The following P2RX7 variants were observed in gnomAD, a reference collection of about 807,000 sequenced individuals.
The protein encoded by P2RX7 is purinergic receptor P2X 7.
Under a neutral mutation model 71.6 loss-of-function variants are expected in P2RX7, and 62 were observed. That is an observed-to-expected ratio of 0.87 (90% CI 0.71 to 1.07). The LOEUF (loss-of-function observed/expected upper bound fraction) is 1.07. P2RX7 is among the 50% of genes least tolerant of loss of function. P2RX7 has a pLI of 0.00. For synonymous variants in P2RX7, 299 were observed against 283.3 expected (o/e 1.06, Z -0.56); for missense variants, 686 against 748.5 (o/e 0.92, Z 0.97).
chr12:121,145,106 C>G (rs897847860), intron 1 of P2RX7, among the ~76,000 whole-genome samples: 1 of 152,150 alleles, frequency 6.6e-6, no homozygotes, highest in Non-Finnish European at 1.5e-5. Context: ...GTGCAACCGA[C>G]CAGCAAGAGA....
At chr12:121,155,914 G>A (rs1019707327) in intron 2 of P2RX7, among the ~76,000 whole-genome samples, 165 bp from the exon 3 acceptor site, 2 of 152,152 alleles carry the variant, frequency 1.3e-5, no homozygotes, top group African/African-American at 2.4e-5. Flanking sequence ...AGGGCTGCTC[G>A]TCCAGCTTTG....
rs956530280 is a variant in P2RX7, at chr12:121,184,965, A to G, written c.*163A>G. The stretch of plus-strand genomic sequence containing the variant: ...CCAGACATGGTGGCATGCACCTGCA[A>G]TCCCAGCTACTCGGGAGGCTGAGGC... On this transcript the variant is annotated 3_prime_UTR_variant, in exon 13 of 13. Coordinates refer to ENST00000328963, the MANE Select transcript of P2RX7 (RefSeq NM_002562.6). 1 of 594,686 alleles carries G rather than the reference A, an allele frequency of 1.7e-6. No homozygotes were observed. The highest frequency in any genetic ancestry group is 2.9e-6 in the Non-Finnish European group (1 of 339,882). 36.8% of individuals were successfully genotyped at this position (594,686 alleles called of 1,614,324 possible). A position where few individuals can be genotyped will look rare whatever the true frequency, so the allele number is the denominator to read the frequency against.
At chr12:121,163,416 T>A (rs1417791334) in intron 5 of P2RX7, among the ~76,000 whole-genome samples, 2 of 151,666 alleles carry the variant, frequency 1.3e-5, no homozygotes, top group African/African-American at 4.8e-5. Context: ...AGACCAGCAC[T>A]GTCCAATTGA....
At position 121,162,431 on chromosome 12, in the gene P2RX7, G is replaced by A. The variant is rs781274184; in HGVS notation, c.444G>A (p.Gln148=). The A allele has an allele frequency of 5.0e-6, 8 of 1,613,778 alleles. No individual in the cohort carries two copies. Among genetic ancestry groups the A allele is most frequent in the Non-Finnish European group, 6.8e-6 (8 of 1,179,980 alleles). The change falls in exon 5 of 13, where the codon CAG becomes CAA. Residue 148 remains glutamine, a synonymous_variant. Transcript: ENST00000328963. ...ATGCTTTGACCCCTATAGGAATTCA[G>A]ACCGGAAGGTGTGTAGTGTATGAAG... The part of the protein sequence containing the change: ...GWMDPQSKGI[Q]TGRCVVYEGN...
At chr12:121,152,908 C>G (rs1401542956) in intron 1 of P2RX7, among the ~76,000 whole-genome samples, 1 of 152,218 alleles carries the variant, frequency 6.6e-6, no homozygotes, top group Non-Finnish European at 1.5e-5. Flanking sequence ...CTCTTACAAG[C>G]AATGCTGCAG....
intron 5 of P2RX7, among the ~76,000 whole-genome samples, chr12:121,163,794 CAT>C (rs747904948): frequency 1.2e-4 from 18 of 152,176 alleles, no homozygotes; most frequent in Non-Finnish European, 1.9e-4. Flanking sequence ...AATAGCCACA[CAT>C]GTCTAGTGGC....
At chr12:121,181,228 G>C (rs1189972249) in intron 12 of P2RX7, among the ~76,000 whole-genome samples, 1 of 152,150 alleles carries the variant, frequency 6.6e-6, no homozygotes, top group Non-Finnish European at 1.5e-5. Flanking sequence ...TGTGAGAGTT[G>C]TTCATGATGC....
At chr12:121,168,504 A>G (rs889409064) in intron 8 of P2RX7, among the ~76,000 whole-genome samples, 3 of 151,996 alleles carry the variant, frequency 2.0e-5, no homozygotes, top group Non-Finnish European at 2.9e-5. Context: ...CTTGACCTCA[A>G]GTGATCTTCC....
intron 3 of P2RX7, among the ~76,000 whole-genome samples, chr12:121,158,127 G>A (rs888382674): frequency 5.9e-5 from 9 of 152,040 alleles, no homozygotes; most frequent in Admixed American, 3.3e-4. Context: ...GGGTTGTCTC[G>A]GTAAATATGA....
chr12:121,133,332 C>T (rs557845810), intron 1 of P2RX7, among the ~76,000 whole-genome samples: 3 of 152,158 alleles, frequency 2.0e-5, no homozygotes, highest in South Asian at 2.1e-4. Flanking sequence ...ACTTCAGGCC[C>T]GCCAGGGCGC....
At chr12:121,142,086 C>T (rs2135992611) in intron 1 of P2RX7, among the ~76,000 whole-genome samples, 1 of 152,248 alleles carries the variant, frequency 6.6e-6, no homozygotes, top group African/African-American at 2.4e-5. Flanking sequence ...GCTTAGAGGG[C>T]CCCACTCTGT....
chr12:121,184,848 G>A lies in P2RX7; in HGVS notation c.*46G>A. 7.0e-7 allele frequency: 1 copy of A among 1,423,862 alleles called. No homozygotes were observed. The highest frequency in any genetic ancestry group is 9.5e-7 in the Non-Finnish European group (1 of 1,057,960). 88.2% of individuals were successfully genotyped at this position (1,423,862 alleles called of 1,614,324 possible). ...GTCTGTAATCCCAGCGCTTTGGGAG[G>A]CCGAGGCAGGCAGATCACCTGAGGT... On this transcript the variant is annotated 3_prime_UTR_variant, in exon 13 of 13. Coordinates refer to ENST00000328963, the MANE Select transcript of P2RX7 (RefSeq NM_002562.6).
At chr12:121,161,048 G>A in intron 4 of P2RX7, 74 bp downstream of exon 4, 1 of 1,130,244 alleles carries the variant, frequency 8.8e-7, no homozygotes, top group Admixed American at 1.7e-5. Flanking sequence ...TGATGCCCAG[G>A]TCAGGTCTTC....
Position 121,134,284 on chromosome 12 carries a change from C to T in P2RX7, c.125+1189C>T, listed in dbSNP as rs1194913674. 2.0e-5 allele frequency among the ~76,000 whole-genome samples: 3 copies of T among 152,210 alleles called. No homozygotes were observed. The East Asian group carries it at 5.8e-4, about 29-fold the overall frequency. The stretch of plus-strand genomic sequence containing the variant: ...GGGGGGAATGTGGAGCTGAATTTCA[C>T]AGCAGCTGCAGTTTTTTACATTCCT... On this transcript the variant is annotated intron_variant, in intron 1 of 12. Coordinates refer to ENST00000328963, the MANE Select transcript of P2RX7 (RefSeq NM_002562.6).
At chr12:121,148,119 G>A (rs1437891874) in intron 1 of P2RX7, among the ~76,000 whole-genome samples, 4 of 151,990 alleles carry the variant, frequency 2.6e-5, no homozygotes, top group African/African-American at 9.7e-5. Context: ...TGTGTGTCTA[G>A]GTGTGGACAT....
chr12:121,162,594 C>T (rs1018488177), intron 5 of P2RX7, 74 bp downstream of exon 5: 57 of 1,553,348 alleles, frequency 3.7e-5, no homozygotes, highest in Non-Finnish European at 5.0e-5. Context: ...GCTGCTTGGG[C>T]CTTCCCCTCT....
intron 11 of P2RX7, among the ~76,000 whole-genome samples, chr12:121,177,721 T>C (rs2136146901): frequency 6.8e-6 from 1 of 147,784 alleles, no homozygotes; most frequent in South Asian, 2.1e-4. Flanking sequence ...TATTTATTTA[T>C]TTATTTATTT....
chr12:121,138,120 T>C (rs1874086323), intron 1 of P2RX7, among the ~76,000 whole-genome samples: 1 of 152,184 alleles, frequency 6.6e-6, no homozygotes, highest in African/African-American at 2.4e-5. Flanking sequence ...AAACCCAACT[T>C]GCGTTAACCA....
chr12:121,138,868 T>C (rs574433211), intron 1 of P2RX7, among the ~76,000 whole-genome samples: 2 of 152,352 alleles, frequency 1.3e-5, no homozygotes, highest in East Asian at 3.9e-4. Flanking sequence ...CTTGGTACTT[T>C]ACTACTATTT....
Sources: gnomAD v4.1 joint callset for allele counts (sites outside exome capture counted in the v4.1 genomes callset) on GRCh38, gnomAD v4.1.1 for gene constraint, MANE v1.5 for transcripts, NCBI Gene and HGNC (gene_info 2026-07-23, HGNC 2026-07-21) for gene names.